The following GUCY2D variants were observed in gnomAD, a reference collection of about 807,000 sequenced individuals.
GUCY2D encodes retinal guanylyl cyclase 1.
GUCY2D carries 70 observed loss-of-function variants against 101.3 expected under a neutral mutation model. The observed-to-expected ratio is 0.69, with a 90% CI of 0.57 to 0.84. GUCY2D has a LOEUF of 0.84. Among genes scored for constraint, GUCY2D ranks in the 40% least tolerant of loss-of-function variants. The pLI, the probability that GUCY2D is intolerant of heterozygous loss-of-function variation, is 0.00. For synonymous variants in GUCY2D, 688 were observed against 670.7 expected (o/e 1.03, Z -0.40); for missense variants, 1,460 against 1,542.5 (o/e 0.95, Z 0.90).
chr17:8,006,658 C>T lies in GUCY2D; in HGVS notation c.1322C>T (p.Ser441Leu), dbSNP rs758775976. 1 of 1,612,552 alleles carries T rather than the reference C, an allele frequency of 6.2e-7. No individual in the cohort carries two copies. Among genetic ancestry groups the T allele is most frequent in the Non-Finnish European group, 8.5e-7 (1 of 1,179,410 alleles). ...GTRMHFPRGG[S>L]APGPDPSCWF... ...CGGATGCACTTCCCGCGTGGGGGATCAGCACCCGGACCTGACCCCTCGTGC... is the reference window on the plus strand; with the variant it reads ...CGGATGCACTTCCCGCGTGGGGGATTAGCACCCGGACCTGACCCCTCGTGC... The change falls in exon 4 of 20, where the codon TCA becomes TTA. Residue 441 changes from serine (S) to leucine (L), a missense_variant. Around this residue, in one of 3 missense-constraint regions of GUCY2D, gnomAD observed 1,196 missense variants for 1,229.6 expected, o/e 0.97. Transcript: ENST00000254854.
In GUCY2D at chr17:8,015,055, C is replaced by T; in HGVS notation, c.2769+4C>T. 1 of 1,612,072 alleles carries T rather than the reference C, an allele frequency of 6.2e-7. No homozygotes were observed. The highest frequency in any genetic ancestry group is 8.5e-7 in the Non-Finnish European group (1 of 1,178,826). ...TGGTTCCCACGATGTCTACAAGGTGCAGTGTGTAGGGGACAAGCCCTCCTG... is the reference window on the plus strand; with the variant it reads ...TGGTTCCCACGATGTCTACAAGGTGTAGTGTGTAGGGGACAAGCCCTCCTG... On this transcript the variant is annotated splice_donor_region_variant and intron_variant, in intron 14 of 19. Transcript: ENST00000254854.
At chr17:8,003,803 G>T in intron 2 of GUCY2D, 35 bp downstream of exon 2, 2 of 1,603,096 alleles carry the variant, frequency 1.2e-6, no homozygotes, top group Non-Finnish European at 1.7e-6. Flanking sequence ...GAGGTCGGCT[G>T]GTCCTGCCGG....
At chr17:8,016,909 A>G (rs78380494) in intron 19 of GUCY2D, 2,096 of 192,120 alleles carry the variant, frequency 0.011, 49 homozygotes, top group African/African-American at 0.046. Flanking sequence ...ACAATGTGAA[A>G]GCAGAAGCCG....
Position 8,008,030 on chromosome 17 carries a change from G to A in GUCY2D, c.1666G>A (p.Glu556Lys). The change falls in exon 7 of 20, where the codon GAG becomes AAG. Residue 556 changes from glutamate to lysine, a missense_variant and splice_region_variant. Transcript: ENST00000254854. ...HLDSPNIGVY[E>K]GDRVWLKKFP... Reference sequence around the variant, plus strand: ...GGACAGCCCCAACATTGGTGTCTATGAGGTGAGCCTGACCCCAGCCAGACA... The same window carrying A: ...GGACAGCCCCAACATTGGTGTCTATAAGGTGAGCCTGACCCCAGCCAGACA... The A allele has an allele frequency of 6.3e-7, 1 of 1,595,016 alleles. No individual in the cohort carries two copies. Among genetic ancestry groups the A allele is most frequent in the Non-Finnish European group, 8.6e-7 (1 of 1,162,896 alleles).
At chr17:8,019,593 G>A (rs1247527429) in intron 19 of GUCY2D, among the ~76,000 whole-genome samples, 1 of 152,136 alleles carries the variant, frequency 6.6e-6, no homozygotes, top group South Asian at 2.1e-4. Flanking sequence ...AGTGGGAGAA[G>A]AGAAGGCAAA....
chr17:8,003,601 C>T lies in GUCY2D; in HGVS notation c.554C>T (p.Ala185Val), dbSNP rs1975678599. The T allele has an allele frequency of 1.9e-6, 3 of 1,588,168 alleles. No individual in the cohort carries two copies. Among genetic ancestry groups the T allele is most frequent in the East Asian group, 2.2e-5 (1 of 44,470 alleles). The part of the protein sequence containing the change: ...LLRAFGWARV[A>V]LVTAPQDLWV... ...CGCGCATTCGGCTGGGCGCGCGTGG[C>T]CCTGGTCACCGCCCCCCAGGACCTG... is the stretch of plus-strand genomic sequence containing the variant. The change falls in exon 2 of 20, where the codon GCC becomes GTC. Residue 185 changes from alanine (A) to valine (V), a missense_variant. By Grantham distance (64) the Ala-to-Val change is moderately conservative. Transcript: ENST00000254854.
rs2151802138 is a variant in GUCY2D, at chr17:8,011,451, GTT to G, written c.1750-692_1750-691del. Among the ~76,000 whole-genome samples, 1 of 152,298 alleles carries G rather than the reference GTT, an allele frequency of 6.6e-6. No homozygotes were observed. Among genetic ancestry groups the G allele is most frequent in the East Asian group, 1.9e-4 (1 of 5,186 alleles). On this transcript the variant is annotated intron_variant, in intron 8 of 19. Coordinates refer to ENST00000254854, the MANE Select transcript of GUCY2D (RefSeq NM_000180.4). The surrounding 1 kb of genome is among the most constrained non-coding windows in gnomAD (Gnocchi z 4.3). ...CTCCCTGGCTCTCCCAGCAAAGGCTGTTAAATCAGGAGAGGATGGTGGTTCCA... is the reference window on the plus strand; with the variant it reads ...CTCCCTGGCTCTCCCAGCAAAGGCTGAAATCAGGAGAGGATGGTGGTTCCA...
Position 8,015,783 on chromosome 17 carries a change from G to A in GUCY2D, c.2985G>A (p.Arg995=). 1 of 1,612,500 alleles carries A rather than the reference G, an allele frequency of 6.2e-7. No homozygotes were observed. The highest frequency in any genetic ancestry group is 1.1e-5 in the South Asian group (1 of 90,868). ...GCGTGGTGGGCCTCACCATGCCGCG[G>A]TACTGCCTGTTTGGGGACACGGTCA... ...VAGVVGLTMP[R]YCLFGDTVNT... The change falls in exon 16 of 20, where the codon CGG becomes CGA. Residue 995 remains arginine, a synonymous_variant. Coordinates refer to ENST00000254854, the MANE Select transcript of GUCY2D (RefSeq NM_000180.4).
In GUCY2D at chr17:8,011,719, T is replaced by C. The variant is rs1174845950; in HGVS notation, c.1750-425T>C. 6.6e-6 allele frequency among the ~76,000 whole-genome samples: 1 copy of C among 152,168 alleles called. No homozygotes were observed. The highest frequency in any genetic ancestry group is 1.5e-5 in the Non-Finnish European group (1 of 68,020). On this transcript the variant is annotated intron_variant, in intron 8 of 19. Transcript: ENST00000254854. The surrounding 1 kb of genome is among the most constrained non-coding windows in gnomAD (Gnocchi z 4.3). ...TGGCACAAGCCTGTAGTCCCAGCTA[T>C]TCAGGAGGCTGAGGTAGGAGGATCA...
intron 8 of GUCY2D, among the ~76,000 whole-genome samples, chr17:8,010,340 T>G (rs1255920196): frequency 6.6e-6 from 1 of 152,196 alleles, no homozygotes; most frequent in East Asian, 1.9e-4. Context: ...TGTAAATGGC[T>G]TATTCTGGTC....
In GUCY2D at chr17:8,007,412, T is replaced by G. The variant is rs1035031167; in HGVS notation, c.1464-14T>G. On this transcript the variant is annotated splice_polypyrimidine_tract_variant and intron_variant, in intron 5 of 19. Transcript: ENST00000254854. The stretch of plus-strand genomic sequence containing the variant: ...CTTGGTGCCCTTGGTGGAGGTGACC[T>G]CTTTCTCCACCAGGCACCGGCTACT... The G allele has an allele frequency of 5.1e-6, 8 of 1,565,452 alleles. No homozygotes were observed. The highest frequency in any genetic ancestry group is 6.2e-6 in the Non-Finnish European group (7 of 1,135,920).
Position 8,016,432 on chromosome 17 carries a change from C to A in GUCY2D, c.3225-11C>A. ...TTCCCCTTCCCTGAGGCCACCGCCC[C>A]CTCCTTGCAGGTCCAGCAACCACGG... is the stretch of plus-strand genomic sequence containing the variant. On this transcript the variant is annotated splice_polypyrimidine_tract_variant and intron_variant, in intron 18 of 19. Transcript: ENST00000254854. 6.4e-7 allele frequency: 1 copy of A among 1,552,502 alleles called. No individual in the cohort carries two copies. Among genetic ancestry groups the A allele is most frequent in the East Asian group, 2.4e-5 (1 of 41,958 alleles).
In GUCY2D at chr17:8,002,764, A is replaced by C; in HGVS notation, c.-10+30A>C. ...ATGTCAGAGGCCCCTCCGCTGGGAT[A>C]GGGTCGGTCTGAGGGCGCAGGCGAG... On this transcript the variant is annotated intron_variant, in intron 1 of 19. Coordinates refer to ENST00000254854, the MANE Select transcript of GUCY2D (RefSeq NM_000180.4). The surrounding 1 kb of genome is among the most constrained non-coding windows in gnomAD (Gnocchi z 4.9). 4.8e-6 allele frequency: 2 copies of C among 417,044 alleles called. No individual in the cohort carries two copies. 25.8% of individuals were successfully genotyped at this position (417,044 alleles called of 1,614,324 possible).
At chr17:8,004,180 A>G in intron 3 of GUCY2D, 24 bp downstream of exon 3, 1 of 1,571,816 alleles carries the variant, frequency 6.4e-7, no homozygotes, top group Non-Finnish European at 8.6e-7. Flanking sequence ...GGAGGAGGGA[A>G]GAAGGCAAGG....
chr17:8,007,225 A>G, intron 5 of GUCY2D, 81 bp downstream of exon 5: 2 of 1,128,968 alleles, frequency 1.8e-6, no homozygotes, highest in Non-Finnish European at 2.7e-6. Flanking sequence ...GGCTGGGTTC[A>G]CTCAGGAGTA....
rs61750162 is a variant in GUCY2D at position 8,012,472 on chromosome 17, G to T, written c.1979G>T (p.Arg660Leu). The change falls in exon 10 of 20, where the codon CGA (arginine) becomes CTA (leucine). Residue 660 changes from arginine to leucine, a missense_variant. Arg to Leu is a moderately radical substitution (Grantham distance 102, BLOSUM62 -2). Around this residue, in one of 3 missense-constraint regions of GUCY2D, gnomAD observed 1,196 missense variants for 1,229.6 expected, o/e 0.97. Transcript: ENST00000254854. The stretch of plus-strand genomic sequence containing the variant: ...AAGGGAATAAGGTATCTGCACCATC[G>T]AGGCGTGGCTCATGGGCGGCTGAAG... ...LIKGIRYLHH[R>L]GVAHGRLKSR... is the part of the protein sequence containing the mutation. 6.2e-7 allele frequency: 1 copy of T among 1,613,968 alleles called. No individual in the cohort carries two copies. The highest frequency in any genetic ancestry group is 8.5e-7 in the Non-Finnish European group (1 of 1,180,012).
Position 8,011,147 on chromosome 17 carries a change from G to C in GUCY2D, c.1750-997G>C, listed in dbSNP as rs1032905693. On this transcript the variant is annotated intron_variant, in intron 8 of 19. Coordinates refer to ENST00000254854, the MANE Select transcript of GUCY2D (RefSeq NM_000180.4). This position sits in a 1 kb window ranked among gnomAD's most constrained non-coding sequence, Gnocchi z 4.3. The stretch of plus-strand genomic sequence containing the variant: ...TAATCCCAGCACTTTGGGAGGCTGA[G>C]GTGGATGGACCACCTGAGGTCAGGA... 3.9e-5 allele frequency among the ~76,000 whole-genome samples: 6 copies of C among 152,186 alleles called. No individual in the cohort carries two copies. The highest frequency in any genetic ancestry group is 8.8e-5 in the Non-Finnish European group (6 of 68,040).
chr17:8,004,075 T>C lies in GUCY2D; in HGVS notation c.945T>C (p.Cys315=). The C allele has an allele frequency of 6.2e-7, 1 of 1,606,184 alleles. No homozygotes were observed. Among genetic ancestry groups the C allele is most frequent in the East Asian group, 2.2e-5 (1 of 44,860 alleles). ...CCGTGCTCACCCTCACGCGCCACTG[T>C]CCCTCTGAAGGCAGCGTGCTGGACA... ...HDAVLTLTRH[C]PSEGSVLDSL... The change falls in exon 3 of 20, where the codon TGT becomes TGC. Residue 315 remains cysteine (C), a synonymous_variant. Transcript: ENST00000254854.
At chr17:8,009,430 G>A in intron 7 of GUCY2D, 76 bp from the exon 8 acceptor site, 1 of 900,862 alleles carries the variant, frequency 1.1e-6, no homozygotes, top group Non-Finnish European at 1.9e-6. Context: ...ATGGAAATGA[G>A]GGGGAGGGGT....
Sources: gnomAD v4.1 joint callset for allele counts (sites outside exome capture counted in the v4.1 genomes callset) on GRCh38, gnomAD v4.1.1 for gene constraint, gnomAD v4.1.1 regional missense constraint, Gnocchi (gnomAD v3.1) non-coding constraint, MANE v1.5 for transcripts, NCBI Gene and HGNC (gene_info 2026-07-23, HGNC 2026-07-21) for gene names.